SMARCA2: variants seen among roughly 807,000 people sequenced by gnomAD.
SMARCA2 encodes SWI/SNF related BAF chromatin remodeling complex subunit ATPase 2.
In SMARCA2, 61 loss-of-function variants were observed where a neutral mutation model predicts 199.8. The ratio of observed to expected loss-of-function variants is 0.31; its 90% CI spans 0.25 to 0.38. The LOEUF (loss-of-function observed/expected upper bound fraction) is 0.38, where lower values mean the gene tolerates loss of function less well. Among genes scored for constraint, SMARCA2 ranks in the 10% least tolerant of loss-of-function variants. The pLI, the probability that SMARCA2 is intolerant of heterozygous loss-of-function variation, is 1.00. For missense variants in SMARCA2, 1,344 were observed against 2,012.2 expected (o/e 0.67, Z 6.35); for synonymous variants, 935 against 732.0 (o/e 1.28, Z -4.48).
Position 2,119,961 on chromosome 9 carries a change from T to C in SMARCA2, c.3762+426T>C, listed in dbSNP as rs528016313. ...GTGTCATTCAGGAAGCCTACCTGGC[T>C]CCTATAGGCATTGGAACTTACAACA... On this transcript the variant is annotated intron_variant, in intron 26 of 33. Coordinates refer to ENST00000349721, the MANE Select transcript of SMARCA2 (RefSeq NM_003070.5). This position sits in a 1 kb window ranked among gnomAD's most constrained non-coding sequence, Gnocchi z 4.6. Among the ~76,000 whole-genome samples, 19 of 152,280 alleles carry C rather than the reference T, an allele frequency of 1.2e-4. No homozygotes were observed. The South Asian group carries it at 3.9e-3, about 32-fold the overall frequency.
intron 9 of SMARCA2, among the ~76,000 whole-genome samples, chr9:2,062,042 C>T (rs1426295017): frequency 6.6e-6 from 1 of 152,110 alleles, no homozygotes; most frequent in African/African-American, 2.4e-5. Context: ...TGCAAAACTC[C>T]AGCTCCAATT....
At chr9:2,077,396 T>C (rs576084046) in intron 13 of SMARCA2, among the ~76,000 whole-genome samples, 49 of 152,336 alleles carry the variant, frequency 3.2e-4, no homozygotes, top group African/African-American at 1.1e-3. Context: ...GTAACCTCTC[T>C]AAGCCTCGGG....
chr9:2,165,167 T>A (rs1317255891), intron 28 of SMARCA2, among the ~76,000 whole-genome samples: 1 of 152,198 alleles, frequency 6.6e-6, no homozygotes, highest in Non-Finnish European at 1.5e-5. Flanking sequence ...CTAACCTCCT[T>A]CCCATCACTT....
chr9:2,186,024 T>A, intron 31 of SMARCA2, 72 bp from the exon 32 acceptor site: 1 of 1,401,926 alleles, frequency 7.1e-7, no homozygotes, highest in South Asian at 1.3e-5. Context: ...AGCTGGTGTA[T>A]TGCATAAGGA....
chr9:2,132,241 C>G (rs902740558), intron 27 of SMARCA2, among the ~76,000 whole-genome samples: 4 of 152,178 alleles, frequency 2.6e-5, no homozygotes, highest in Non-Finnish European at 5.9e-5. Context: ...AATATTTCCT[C>G]ACAGGTGTAA....
chr9:2,119,307 T>C lies in SMARCA2; in HGVS notation c.3685-151T>C, dbSNP rs1823347846. 2 of 581,874 alleles carry C rather than the reference T, an allele frequency of 3.4e-6. No individual in the cohort carries two copies. The highest frequency in any genetic ancestry group is 2.3e-5 in the South Asian group (1 of 42,910). The allele number at this position is 581,874 out of a possible 1,614,324, so 36.0% of individuals were successfully genotyped here. ...AAGATGGTTTTAATAGCTTGTAAAATAGTAACGTCAAGGACTAAATCCAGC... is the reference window on the plus strand; with the variant it reads ...AAGATGGTTTTAATAGCTTGTAAAACAGTAACGTCAAGGACTAAATCCAGC... On this transcript the variant is annotated intron_variant, in intron 25 of 33. Transcript: ENST00000349721. The surrounding 1 kb of genome is among the most constrained non-coding windows in gnomAD (Gnocchi z 4.6).
In SMARCA2 at chr9:2,086,945, G is replaced by C. The variant is rs148360213; in HGVS notation, c.2643G>C (p.Gly881=). The C allele has an allele frequency of 3.1e-6, 5 of 1,613,996 alleles. No homozygotes were observed. In the African/African-American group the frequency reaches 5.3e-5, roughly 17 times the overall value. ...CCCCCAGAAGGATCCTCTTGACTGGGACCCCGCTGCAGAATAAGCTCCCTG... is the reference window on the plus strand; with the variant it reads ...CCCCCAGAAGGATCCTCTTGACTGGCACCCCGCTGCAGAATAAGCTCCCTG... ...YVAPRRILLT[G]TPLQNKLPEL... is the part of the protein sequence containing the mutation. Residue 881 remains glycine, a synonymous_variant, in exon 18 of 34, where the codon GGG becomes GGC. Transcript: ENST00000349721. The surrounding 1 kb of genome is among the most constrained non-coding windows in gnomAD (Gnocchi z 4.3).
At chr9:2,130,917 G>A (rs6475522) in intron 27 of SMARCA2, among the ~76,000 whole-genome samples, 26,174 of 152,092 alleles carry the variant, frequency 0.17, 3,066 homozygotes, top group East Asian at 0.44. Flanking sequence ...TTCTAGCACC[G>A]TAAGGCAGTC....
At chr9:2,071,513 C>T (rs954577284) in intron 10 of SMARCA2, among the ~76,000 whole-genome samples, 2 of 152,164 alleles carry the variant, frequency 1.3e-5, no homozygotes, top group Admixed American at 1.3e-4. Context: ...AACATGTTAG[C>T]GTAATAGTGT....
At chr9:2,044,764 T>G (rs1348810333) in intron 4 of SMARCA2, 2 of 152,244 alleles carry the variant, frequency 1.3e-5, no homozygotes, top group Non-Finnish European at 2.9e-5. Context: ...GGTACCTGTT[T>G]AGTGCACAGC....
chr9:2,064,080 C>G (rs986526323), intron 9 of SMARCA2, among the ~76,000 whole-genome samples: 1 of 152,118 alleles, frequency 6.6e-6, no homozygotes, highest in African/African-American at 2.4e-5. Context: ...GATGAATGTG[C>G]TATTATGTGC....
intron 29 of SMARCA2, among the ~76,000 whole-genome samples, chr9:2,177,841 C>G (rs561815751): frequency 1.3e-5 from 2 of 152,162 alleles, no homozygotes; most frequent in African/African-American, 4.8e-5. Flanking sequence ...CATGAGCCAC[C>G]GTGCCCGGCC....
At chr9:2,165,004 G>A (rs756022831) in intron 28 of SMARCA2, among the ~76,000 whole-genome samples, 1 of 152,122 alleles carries the variant, frequency 6.6e-6, no homozygotes, top group Non-Finnish European at 1.5e-5. Context: ...CTCAAATTAG[G>A]AGAGCCTTAA....
At chr9:2,177,846 C>G (rs1420741797) in intron 29 of SMARCA2, among the ~76,000 whole-genome samples, 1 of 152,208 alleles carries the variant, frequency 6.6e-6, no homozygotes, top group Non-Finnish European at 1.5e-5. Context: ...GCCACCGTGC[C>G]CGGCCAGAGG....
At chr9:2,189,945 A>C (rs1305394388) in intron 32 of SMARCA2, among the ~76,000 whole-genome samples, 2 of 152,202 alleles carry the variant, frequency 1.3e-5, no homozygotes, top group African/African-American at 2.4e-5. Flanking sequence ...GATTCCCTCT[A>C]TGACAACATC....
chr9:2,022,091 G>A (rs896204697), intron 1 of SMARCA2: 1 of 151,684 alleles, frequency 6.6e-6, no homozygotes, highest in South Asian at 2.1e-4. Flanking sequence ...GATAAAGTCG[G>A]AGATTGTGGA....
At chr9:2,181,411 A>G in intron 29 of SMARCA2, 160 bp from the exon 30 acceptor site, 1 of 573,104 alleles carries the variant, frequency 1.7e-6, no homozygotes, top group Non-Finnish European at 3.1e-6. Flanking sequence ...AGGGACATCA[A>G]TCTCCAATAG....
At chr9:2,190,373 T>C (rs1436144587) in intron 32 of SMARCA2, among the ~76,000 whole-genome samples, 1 of 152,236 alleles carries the variant, frequency 6.6e-6, no homozygotes, top group African/African-American at 2.4e-5. Context: ...GCCCTCATCA[T>C]ATGAGACTGA....
intron 31 of SMARCA2, among the ~76,000 whole-genome samples, chr9:2,184,897 C>T (rs192804874): frequency 1.3e-5 from 2 of 152,156 alleles, no homozygotes; most frequent in East Asian, 3.9e-4. Context: ...CTCATACTCA[C>T]TGCCTATATT....
Sources: allele counts gnomAD v4.1 joint callset (sites outside exome capture counted in the v4.1 genomes callset), GRCh38; gene constraint gnomAD v4.1.1; non-coding constraint Gnocchi (gnomAD v3.1); transcripts MANE v1.5; gene names NCBI Gene and HGNC (gene_info 2026-07-23, HGNC 2026-07-21).